Variants in NBPF11 observed in about 807,000 individuals in gnomAD.
NBPF11 encodes the protein NBPF member 11, also known as NBPF family member NBPF11.
NBPF11 carries 72 observed loss-of-function variants against 93.9 expected under a neutral mutation model. The observed-to-expected ratio is 0.77, with a 90% CI of 0.63 to 0.93. The LOEUF (loss-of-function observed/expected upper bound fraction) is 0.93, where lower values mean the gene tolerates loss of function less well. NBPF11 is among the 40% of genes least tolerant of loss of function. NBPF11 has a pLI of 0.00. For missense variants in NBPF11, 705 were observed against 802.2 expected, an observed-to-expected ratio of 0.88 and a Z score of 1.46; for synonymous variants, 224 against 304.9, an observed-to-expected ratio of 0.73 and a Z score of 2.76.
intron 4 of NBPF11, among the ~76,000 whole-genome samples, chr1:148,133,564 A>G (rs1670781315): frequency 1.3e-5 from 2 of 152,086 alleles, no homozygotes. Flanking sequence ...AATTTTGCCA[A>G]ATGCTTTTAC....
At chr1:148,104,092 AAGAGAAAGACAGAG>A (rs1382812579) in intron 23 of NBPF11, among the ~76,000 whole-genome samples, 180 bp from the exon 24 acceptor site, 1 of 146,592 alleles carries the variant, frequency 6.8e-6, no homozygotes, top group Non-Finnish European at 1.5e-5. Context: ...AAAACAATGA[AAGAGAAAGACAGAG>A]AGAGAGAGAC....
intron 2 of NBPF11, among the ~76,000 whole-genome samples, chr1:148,138,228 G>C (rs28451146): frequency 6.6e-6 from 1 of 150,614 alleles, no homozygotes; most frequent in Admixed American, 6.6e-5. Flanking sequence ...GTCCTAAGGC[G>C]GTTTTCTCCT....
Position 148,147,402 on chromosome 1 carries a change from TGCAGACCC to T in NBPF11, c.-548-3724_-548-3717del, listed in dbSNP as rs1193786236. The stretch of plus-strand genomic sequence containing the variant: ...CTGGGGCAGGGCCTACAGGGTAAGG[TGCAGACCC>T]GCAGCACACATCCGAGGTCTGGGCC... On this transcript the variant is annotated intron_variant, in intron 1 of 23. Coordinates refer to ENST00000682118, the MANE Select transcript of NBPF11 (RefSeq NM_001385469.3). Among the ~76,000 whole-genome samples the T allele has an allele frequency of 7.9e-5, 12 of 151,974 alleles. 1 individual carries two copies. In the South Asian group the frequency reaches 8.3e-4, roughly 10 times the overall value.
chr1:148,135,414 GA>G (rs1245619788), intron 4 of NBPF11, among the ~76,000 whole-genome samples: 3 of 150,692 alleles, frequency 2.0e-5, no homozygotes, highest in African/African-American at 7.4e-5. Flanking sequence ...TCTTAAAAAG[GA>G]AACAAGGCAA....
chr1:148,129,326 T>G (rs1424138002), intron 4 of NBPF11, among the ~76,000 whole-genome samples: 91 of 148,910 alleles, frequency 6.1e-4, no homozygotes, highest in Admixed American at 1.3e-3. Context: ...ATATATATTT[T>G]TTCTTTTTTA....
intron 1 of NBPF11, among the ~76,000 whole-genome samples, chr1:148,147,327 G>T (rs1673329705): frequency 1.3e-5 from 2 of 152,064 alleles, no homozygotes; most frequent in Non-Finnish European, 2.9e-5. Flanking sequence ...GCTGCATCCA[G>T]GTCCGGAGGA....
At chr1:148,146,288 C>T (rs1486292130) in intron 1 of NBPF11, 4 of 1,327,122 alleles carry the variant, frequency 3.0e-6, no homozygotes, top group African/African-American at 3.2e-5. Flanking sequence ...GGGGCGCTCT[C>T]CCCCCTGCCC....
At position 148,110,365 on chromosome 1, in the gene NBPF11, A is replaced by G; in HGVS notation, c.1801+13T>C. ...GAACTGGAGCTTTATCACCTTCACA[A>G]TGGAGTACTCACTGCCTATGTCAAC... On this transcript the variant is annotated intron_variant, in intron 16 of 23. Coordinates refer to ENST00000682118, the MANE Select transcript of NBPF11 (RefSeq NM_001385469.3). 6.4e-7 allele frequency: 1 copy of G among 1,572,892 alleles called. No homozygotes were observed. Among genetic ancestry groups the G allele is most frequent in the South Asian group, 1.1e-5 (1 of 90,278 alleles).
intron 15 of NBPF11, among the ~76,000 whole-genome samples, chr1:148,112,138 T>C (rs1665429660): frequency 7.6e-6 from 1 of 132,214 alleles, no homozygotes; most frequent in African/African-American, 3.2e-5. Context: ...TCCTTTATTA[T>C]TTTTTGTGTG....
At chr1:148,126,003 T>C (rs1355539284) in intron 5 of NBPF11, among the ~76,000 whole-genome samples, 6 of 151,900 alleles carry the variant, frequency 3.9e-5, no homozygotes, top group African/African-American at 1.2e-4. Context: ...TTATTTATCT[T>C]TTTGTTTGTT....
chr1:148,148,610 G>C (rs1482339700), intron 1 of NBPF11, among the ~76,000 whole-genome samples: 3 of 151,988 alleles, frequency 2.0e-5, no homozygotes, highest in African/African-American at 7.3e-5. Context: ...GGTTGCACTG[G>C]CATCTCACTG....
Position 148,149,530 on chromosome 1 carries a change from C to T in NBPF11, c.-549+2220G>A, listed in dbSNP as rs1214259073. 3.8e-6 allele frequency: 6 copies of T among 1,594,040 alleles called. No individual in the cohort carries two copies. The East Asian group carries it at 6.7e-5, about 18-fold the overall frequency. On this transcript the variant is annotated intron_variant, in intron 1 of 23. Transcript: ENST00000682118. ...GCCAGTACCTGGAGCGCCTGCGTCG[C>T]TTCATCTCCCAGGAGCTGCCCAGCC...
chr1:148,143,985 T>C (rs1672589353), intron 1 of NBPF11, among the ~76,000 whole-genome samples: 1 of 150,620 alleles, frequency 6.6e-6, no homozygotes, highest in African/African-American at 2.5e-5. Context: ...CCTTGAGCCT[T>C]GAGTTAGAGG....
rs1259828531 is a variant in NBPF11 at position 148,122,045 on chromosome 1, T to C, written c.778+10A>G. 1 of 1,591,922 alleles carries C rather than the reference T, an allele frequency of 6.3e-7. No individual in the cohort carries two copies. On this transcript the variant is annotated intron_variant, in intron 9 of 23. Transcript: ENST00000682118. ...ACAGAGGTATGAGACACAAGGAAAA[T>C]AGAGGCTACCTGGGAGAATGTTTAG...
rs1290977898 is a variant in NBPF11 at position 148,149,498 on chromosome 1, C to G, written c.-549+2252G>C. On this transcript the variant is annotated intron_variant, in intron 1 of 23. Coordinates refer to ENST00000682118, the MANE Select transcript of NBPF11 (RefSeq NM_001385469.3). Reference sequence around the variant, plus strand: ...GGGCGCCGGGCACAACGACATCGAGCTCTACAGCCAGTACCTGGAGCGCCT... The same window carrying G: ...GGGCGCCGGGCACAACGACATCGAGGTCTACAGCCAGTACCTGGAGCGCCT... 3 of 1,593,146 alleles carry G rather than the reference C, an allele frequency of 1.9e-6. No individual in the cohort carries two copies. The East Asian group carries it at 6.7e-5, about 36-fold the overall frequency.
At chr1:148,150,863 G>T (rs1648126858) in intron 1 of NBPF11, among the ~76,000 whole-genome samples, 1 of 151,672 alleles carries the variant, frequency 6.6e-6, no homozygotes, top group African/African-American at 2.4e-5. Flanking sequence ...GAGTAGCTGG[G>T]ACTACAGGCA....
chr1:148,144,610 C>G (rs1159185967), intron 1 of NBPF11, among the ~76,000 whole-genome samples: 1 of 151,800 alleles, frequency 6.6e-6, no homozygotes, highest in Non-Finnish European at 1.5e-5. Context: ...ATAATGAATA[C>G]TATATTTACA....
At chr1:148,115,212 G>A (rs1284918627) in intron 14 of NBPF11, among the ~76,000 whole-genome samples, 36 of 112,508 alleles carry the variant, frequency 3.2e-4, no homozygotes, top group Admixed American at 1.5e-3. Context: ...AATCTACGAC[G>A]CTACAAAGAA....
In NBPF11 at chr1:148,144,834, G is replaced by A. The variant is rs1351676989; in HGVS notation, c.-548-1148C>T. On this transcript the variant is annotated intron_variant, in intron 1 of 23. Coordinates refer to ENST00000682118, the MANE Select transcript of NBPF11 (RefSeq NM_001385469.3). ...AAAAATAAAAAATTAGCTGGGCATG[G>A]TGGTGCATGCCGTAATCCCAGCACT... Among the ~76,000 whole-genome samples the A allele has an allele frequency of 6.6e-5, 10 of 151,636 alleles. 1 individual carries two copies. The highest frequency in any genetic ancestry group is 2.2e-4 in the African/African-American group (9 of 41,080).
Sources: gnomAD v4.1 joint callset for allele counts (sites outside exome capture counted in the v4.1 genomes callset) on GRCh38, gnomAD v4.1.1 for gene constraint, MANE v1.5 for transcripts, NCBI Gene and HGNC (gene_info 2026-07-23, HGNC 2026-07-21) for gene names.